The following CTNNA2 variants were observed in gnomAD, a reference collection of about 807,000 sequenced individuals.
The protein encoded by CTNNA2 is catenin alpha-2.
A neutral mutation model predicts 101.0 loss-of-function variants in CTNNA2; 42 were observed. The ratio of observed to expected loss-of-function variants is 0.42; its 90% confidence interval spans 0.32 to 0.54. The LOEUF (loss-of-function observed/expected upper bound fraction) is 0.54, where lower values mean the gene tolerates loss of function less well. Among genes scored for constraint, CTNNA2 ranks in the 20% least tolerant of loss-of-function variants. The pLI is 0.14. For missense variants in CTNNA2, 871 were observed against 1,223.1 expected, an observed-to-expected ratio of 0.71 and a Z score of 4.29; for synonymous variants, 450 against 456.4, an observed-to-expected ratio of 0.99 and a Z score of 0.18.
rs113930436 is a variant in CTNNA2 at position 79,719,898 on chromosome 2, T to G, written c.103-24489T>G. ...CTGTGCAGAAGCTCTTTAGTTTAAT[T>G]AGGCCCCACTTGTCAATTTTTGTTT... is the stretch of plus-strand genomic sequence containing the variant. On this transcript the variant is annotated intron_variant, in intron 2 of 18. Coordinates refer to ENST00000402739, the MANE Select transcript of CTNNA2 (RefSeq NM_001282597.3). Among the ~76,000 whole-genome samples, 101 of 152,332 alleles carry G rather than the reference T, an allele frequency of 6.6e-4. 2 individuals are homozygous for G. Among genetic ancestry groups the G allele is most frequent in the African/African-American group, 2.3e-3 (96 of 41,580 alleles).
chr2:80,556,955 C>A (rs555899724), intron 12 of CTNNA2, among the ~76,000 whole-genome samples: 36 of 152,280 alleles, frequency 2.4e-4, no homozygotes, highest in African/African-American at 8.4e-4. Flanking sequence ...GTTCCAAGTT[C>A]TGCATGATGA....
chr2:79,988,530 A>T (rs1252319468), intron 7 of CTNNA2, among the ~76,000 whole-genome samples: 1 of 151,580 alleles, frequency 6.6e-6, no homozygotes, highest in Non-Finnish European at 1.5e-5. Context: ...AGCCACACTA[A>T]ATGCTAGGCA....
chr2:79,230,122 T>C (rs1384757306), intron 2 of CTNNA2, among the ~76,000 whole-genome samples: 1 of 152,248 alleles, frequency 6.6e-6, no homozygotes. Context: ...TTAAGACGGC[T>C]GCAGAAATTT....
chr2:79,762,802 T>C (rs1672884925), intron 3 of CTNNA2, among the ~76,000 whole-genome samples: 1 of 151,976 alleles, frequency 6.6e-6, no homozygotes, highest in Admixed American at 6.6e-5. Flanking sequence ...AGCTTAATGA[T>C]AATGACTTTA....
chr2:79,917,559 A>G (rs1686339048), intron 7 of CTNNA2, among the ~76,000 whole-genome samples: 1 of 152,196 alleles, frequency 6.6e-6, no homozygotes, highest in African/African-American at 2.4e-5. Context: ...ATTTCTAGGT[A>G]GATTTCACTC....
upstream of CTNNA2, among the ~76,000 whole-genome samples, chr2:79,509,478 A>T (rs1573204302): frequency 6.6e-6 from 1 of 152,208 alleles, no homozygotes; most frequent in African/African-American, 2.4e-5. Context: ...TCTTACATGC[A>T]TATTACTAAG....
intron 2 of CTNNA2, among the ~76,000 whole-genome samples, chr2:79,665,118 C>T (rs1022770541): frequency 2.0e-5 from 3 of 152,150 alleles, no homozygotes; most frequent in African/African-American, 7.2e-5. Flanking sequence ...CTTTCAATCT[C>T]TAAAACCCTG....
intron 4 of CTNNA2, among the ~76,000 whole-genome samples, chr2:79,495,776 A>T (rs920443213): frequency 2.7e-4 from 41 of 152,196 alleles, no homozygotes; most frequent in South Asian, 6.2e-4. Context: ...GTAATTTTTT[A>T]AAAAATGAAG....
At chr2:79,550,218 T>C (rs946979771) in intron 1 of CTNNA2, among the ~76,000 whole-genome samples, 9 of 152,196 alleles carry the variant, frequency 5.9e-5, no homozygotes, top group African/African-American at 1.7e-4. Context: ...CTTCAGCTGA[T>C]ACCCTTGGGA....
intron 9 of CTNNA2, among the ~76,000 whole-genome samples, chr2:80,434,128 C>A (rs556990481): frequency 6.6e-6 from 1 of 152,172 alleles, no homozygotes; most frequent in Non-Finnish European, 1.5e-5. Flanking sequence ...AAGTGTACAT[C>A]CACAACGAAA....
intron 6 of CTNNA2, among the ~76,000 whole-genome samples, chr2:79,882,857 T>C (rs955817545): frequency 1.3e-5 from 2 of 152,188 alleles, no homozygotes; most frequent in African/African-American, 2.4e-5. Flanking sequence ...CGTCTTCCGA[T>C]CCGTGGGTTG....
intron 9 of CTNNA2, among the ~76,000 whole-genome samples, chr2:80,511,502 G>T (rs1688700064): frequency 2.0e-5 from 3 of 152,090 alleles, no homozygotes; most frequent in Non-Finnish European, 4.4e-5. Context: ...TACTCTTACT[G>T]CTTTCTTAAC....
chr2:80,351,445 C>T (rs190286273), intron 7 of CTNNA2, among the ~76,000 whole-genome samples: 1 of 152,192 alleles, frequency 6.6e-6, no homozygotes, highest in East Asian at 1.9e-4. Flanking sequence ...ACCTGCAGTT[C>T]ACCATGGCCA....
intron 3 of CTNNA2, among the ~76,000 whole-genome samples, chr2:79,348,743 G>A (rs1264777165): frequency 1.3e-5 from 2 of 152,198 alleles, no homozygotes; most frequent in East Asian, 1.9e-4. Context: ...CTATGAAAAT[G>A]ATTTATATTT....
chr2:80,341,432 A>AT (rs79052657), intron 7 of CTNNA2, among the ~76,000 whole-genome samples: 24,553 of 152,104 alleles, frequency 0.16, 2,522 homozygotes, highest in East Asian at 0.39. Context: ...AAGACTAAAT[A>AT]TTTTTTATTA....
chr2:80,123,978 G>A (rs1161814743), intron 7 of CTNNA2, among the ~76,000 whole-genome samples: 2 of 152,146 alleles, frequency 1.3e-5, no homozygotes, highest in African/African-American at 4.8e-5. Flanking sequence ...CCCAGCAGGG[G>A]CTGTGATCCT....
At chr2:80,585,957 C>T (rs1044323020) in intron 14 of CTNNA2, among the ~76,000 whole-genome samples, 1 of 152,134 alleles carries the variant, frequency 6.6e-6, no homozygotes, top group Non-Finnish European at 1.5e-5. Flanking sequence ...TTATGCAGGT[C>T]GAGCACCCCT....
chr2:79,639,881 T>TA (rs1680329334), intron 1 of CTNNA2, among the ~76,000 whole-genome samples: 1 of 152,130 alleles, frequency 6.6e-6, no homozygotes, highest in East Asian at 1.9e-4. Context: ...GTGCATTCAG[T>TA]AAAAAATCTC....
chr2:79,213,859 T>A (rs997633392), intron 2 of CTNNA2, among the ~76,000 whole-genome samples: 1 of 152,144 alleles, frequency 6.6e-6, no homozygotes, highest in African/African-American at 2.4e-5. Flanking sequence ...TTATGAGAAC[T>A]GTAGAGAGTG....
Sources: allele counts gnomAD v4.1 joint callset (sites outside exome capture counted in the v4.1 genomes callset), GRCh38; gene constraint gnomAD v4.1.1; transcripts MANE v1.5; gene names NCBI Gene and HGNC (gene_info 2026-07-23, HGNC 2026-07-21).